The following METTL16 variants were observed in gnomAD, a reference collection of about 807,000 sequenced individuals.
METTL16 encodes methyltransferase 16, RNA N6-adenosine, also known as RNA N(6)-adenosine-methyltransferase METTL16.
A neutral mutation model predicts 57.9 loss-of-function variants in METTL16; 19 were observed. The ratio of observed to expected loss-of-function variants is 0.33; its 90% CI spans 0.23 to 0.48. The LOEUF is 0.48. Among genes scored for constraint, METTL16 ranks in the 20% least tolerant of loss-of-function variants. The pLI is 0.99. For missense variants in METTL16, 434 were observed against 691.5 expected, an observed-to-expected ratio of 0.63 and a Z score of 4.18; for synonymous variants, 246 against 255.6, an observed-to-expected ratio of 0.96 and a Z score of 0.36.
intron 6 of METTL16, among the ~76,000 whole-genome samples, chr17:2,447,214 G>C (rs551934599): frequency 1.4e-5 from 2 of 147,850 alleles, no homozygotes; most frequent in East Asian, 4.0e-4. Flanking sequence ...TGAGATGTGG[G>C]GAGCACCTCT....
intron 4 of METTL16, 37 bp downstream of exon 4, chr17:2,473,487 A>T (rs2067248923): frequency 6.3e-7 from 1 of 1,575,650 alleles, no homozygotes; most frequent in South Asian, 1.2e-5. Flanking sequence ...GCAGGTGAAG[A>T]CACAAAGTTT....
intron 8 of METTL16, among the ~76,000 whole-genome samples, chr17:2,433,039 A>G (rs1003052753): frequency 2.0e-5 from 3 of 152,224 alleles, no homozygotes; most frequent in African/African-American, 7.2e-5. Flanking sequence ...ACAAAACACC[A>G]GTGTAAAGTA....
intron 6 of METTL16, among the ~76,000 whole-genome samples, chr17:2,443,303 T>A (rs1176771817): frequency 6.6e-6 from 1 of 152,150 alleles, no homozygotes; most frequent in African/African-American, 2.4e-5. Flanking sequence ...TAGTTCTCTA[T>A]CAATTAAAGA....
intron 4 of METTL16, among the ~76,000 whole-genome samples, chr17:2,469,787 C>T (rs2067224636): frequency 6.6e-6 from 1 of 152,188 alleles, no homozygotes; most frequent in Non-Finnish European, 1.5e-5. Flanking sequence ...TCCCAAAGAG[C>T]TGGGATTACA....
At chr17:2,491,876 C>CAA (rs1171788438) in intron 2 of METTL16, among the ~76,000 whole-genome samples, 6,347 of 53,458 alleles carry the variant, frequency 0.12, 902 homozygotes, top group African/African-American at 0.34. Context: ...CACCGTCTCA[C>CAA]AAAAAAAAAA....
At chr17:2,466,170 G>T (rs1231273912) in intron 5 of METTL16, among the ~76,000 whole-genome samples, 2 of 146,964 alleles carry the variant, frequency 1.4e-5, no homozygotes, top group African/African-American at 2.5e-5. Flanking sequence ...TCCAGCCTGG[G>T]TGACAAGAGT....
At chr17:2,435,800 A>AG (rs1265677820) in intron 8 of METTL16, among the ~76,000 whole-genome samples, 1 of 120,032 alleles carries the variant, frequency 8.3e-6, no homozygotes, top group Non-Finnish European at 1.7e-5. Flanking sequence ...AGACTCTGGT[A>AG]GGGGGGGAAT....
At position 2,448,786 on chromosome 17, in the gene METTL16, A is replaced by T. The variant is rs1311501159; in HGVS notation, c.729-7227T>A. Among the ~76,000 whole-genome samples, 36 of 103,312 alleles carry T rather than the reference A, an allele frequency of 3.5e-4. 2 individuals carry two copies. Among genetic ancestry groups the T allele is most frequent in the African/African-American group, 2.1e-3 (35 of 17,064 alleles). 67.8% of individuals were successfully genotyped at this position (103,312 alleles called of 152,430 possible). A position where few individuals can be genotyped will look rare whatever the true frequency, so the allele number is the denominator to read the frequency against. ...AAAAATAAAAAATAAAAAAATAAAAAAATAAAAATAAAATTTAAAAAAAAA... is the reference window on the plus strand; with the variant it reads ...AAAAATAAAAAATAAAAAAATAAAATAATAAAAATAAAATTTAAAAAAAAA... On this transcript the variant is annotated intron_variant, in intron 6 of 9. Transcript: ENST00000263092.
chr17:2,489,015 A>C (rs1268294190), intron 2 of METTL16, among the ~76,000 whole-genome samples: 1 of 152,232 alleles, frequency 6.6e-6, no homozygotes, highest in Admixed American at 6.5e-5. Flanking sequence ...CAATGGAAAC[A>C]ACCATTACTG....
At chr17:2,472,855 G>A (rs1423277234) in intron 4 of METTL16, among the ~76,000 whole-genome samples, 1 of 152,088 alleles carries the variant, frequency 6.6e-6, no homozygotes, top group Non-Finnish European at 1.5e-5. Context: ...AGTGAGAGAT[G>A]GACAGTTGAG....
chr17:2,511,093 A>C (rs1472928634), intron 1 of METTL16, among the ~76,000 whole-genome samples: 1 of 152,078 alleles, frequency 6.6e-6, no homozygotes, highest in Non-Finnish European at 1.5e-5. Flanking sequence ...TGGACCACCG[A>C]CACAAAGCAC....
At chr17:2,431,178 C>T (rs1049871951) in intron 8 of METTL16, among the ~76,000 whole-genome samples, 8 of 152,100 alleles carry the variant, frequency 5.3e-5, no homozygotes, top group African/African-American at 1.9e-4. Flanking sequence ...AAATCCTGAC[C>T]TCAGGTGACC....
intron 8 of METTL16, among the ~76,000 whole-genome samples, chr17:2,436,312 A>C (rs2066908287): frequency 1.3e-5 from 2 of 152,170 alleles, no homozygotes; most frequent in Non-Finnish European, 2.9e-5. Context: ...TAGATAACTT[A>C]CTGCACTGTC....
chr17:2,475,170 C>T (rs531338389), intron 3 of METTL16: 3 of 152,236 alleles, frequency 2.0e-5, no homozygotes, highest in South Asian at 4.1e-4. Flanking sequence ...GCATCCTGAA[C>T]AGGCTAGTAA....
intron 2 of METTL16, among the ~76,000 whole-genome samples, chr17:2,499,978 T>A (rs188540280): frequency 6.6e-6 from 1 of 152,268 alleles, no homozygotes; most frequent in African/African-American, 2.4e-5. Flanking sequence ...GGTCTTGAAC[T>A]CCTAACTTCA....
At chr17:2,470,955 C>G (rs1410768977) in intron 4 of METTL16, among the ~76,000 whole-genome samples, 1 of 152,132 alleles carries the variant, frequency 6.6e-6, no homozygotes, top group Admixed American at 6.5e-5. Flanking sequence ...TGACACTACC[C>G]AATTCTAAGA....
intron 7 of METTL16, among the ~76,000 whole-genome samples, chr17:2,440,052 G>A (rs2066936184): frequency 6.6e-6 from 1 of 152,072 alleles, no homozygotes; most frequent in South Asian, 2.1e-4. Context: ...GAGTACAGGA[G>A]TTTGAACTAG....
At chr17:2,440,066 G>C (rs2066936326) in intron 7 of METTL16, among the ~76,000 whole-genome samples, 1 of 152,080 alleles carries the variant, frequency 6.6e-6, no homozygotes, top group Admixed American at 6.6e-5. Context: ...GAACTAGTCT[G>C]GGCAACACAG....
At chr17:2,492,885 A>G (rs1204617851) in intron 2 of METTL16, among the ~76,000 whole-genome samples, 19 of 131,016 alleles carry the variant, frequency 1.5e-4, no homozygotes, top group African/African-American at 3.7e-4. Flanking sequence ...GCAACAGAGC[A>G]AGACTCCGTC....
Sources: gnomAD v4.1 joint callset for allele counts (sites outside exome capture counted in the v4.1 genomes callset) on GRCh38, gnomAD v4.1.1 for gene constraint, MANE v1.5 for transcripts, NCBI Gene and HGNC (gene_info 2026-07-23, HGNC 2026-07-21) for gene names.